RGS3: variants seen among roughly 807,000 people sequenced by gnomAD.
The protein encoded by RGS3 is regulator of G-protein signalling 3.
RGS3 carries 80 observed loss-of-function variants against 132.6 expected under a neutral mutation model. The ratio of observed to expected loss-of-function variants is 0.60; its 90% CI spans 0.50 to 0.73. The LOEUF (loss-of-function observed/expected upper bound fraction) is 0.73, where lower values mean the gene tolerates loss of function less well. Among genes scored for constraint, RGS3 ranks in the 30% least tolerant of loss-of-function variants. RGS3 has a pLI of 0.00. For synonymous variants in RGS3, 598 were observed against 620.6 expected, an observed-to-expected ratio of 0.96 and a Z score of 0.54; for missense variants, 1,382 against 1,530.8, an observed-to-expected ratio of 0.90 and a Z score of 1.62.
At chr9:113,568,785 G>A (rs1286502417) in intron 19 of RGS3, among the ~76,000 whole-genome samples, 1 of 152,234 alleles carries the variant, frequency 6.6e-6, no homozygotes, top group Admixed American at 6.5e-5. Context: ...GGAGAAGCTG[G>A]AGCCACTCAC....
At chr9:113,501,690 C>T in intron 10 of RGS3, 1 of 1,482,630 alleles carries the variant, frequency 6.7e-7, no homozygotes, top group Non-Finnish European at 9.1e-7. Context: ...GGTAGAGGGA[C>T]CATCTGAGAA....
intron 7 of RGS3, among the ~76,000 whole-genome samples, chr9:113,494,661 A>T (rs1414511137): frequency 6.6e-6 from 1 of 152,094 alleles, no homozygotes; most frequent in African/African-American, 2.4e-5. Flanking sequence ...TATTTTAAAA[A>T]TTTTTTGTAG....
chr9:113,501,652 G>T, intron 10 of RGS3: 1 of 1,554,432 alleles, frequency 6.4e-7, no homozygotes. Context: ...GCCTCTTGTG[G>T]GGAGCCTGTG....
At chr9:113,567,366 G>T (rs896225040) in intron 19 of RGS3, among the ~76,000 whole-genome samples, 3 of 152,142 alleles carry the variant, frequency 2.0e-5, no homozygotes, top group Non-Finnish European at 2.9e-5. Context: ...GCAGAATCTG[G>T]GCCTTATTCA....
In RGS3 at chr9:113,514,794, A is replaced by G. The variant is rs139403746; in HGVS notation, c.1674+140A>G. ...GAAAGATAAGTAGCTTTAGATGCATAGGATTCTAGGGGCTTATACTGAGGG... is the reference window on the plus strand; with the variant it reads ...GAAAGATAAGTAGCTTTAGATGCATGGGATTCTAGGGGCTTATACTGAGGG... On this transcript the variant is annotated intron_variant, in intron 15 of 24. Coordinates refer to ENST00000350696, the Ensembl canonical transcript of RGS3. 4.8e-4 allele frequency: 358 copies of G among 747,358 alleles called. 1 individual carries two copies. Among genetic ancestry groups the G allele is most frequent in the Admixed American group, 6.6e-4 (23 of 34,938 alleles). 46.3% of individuals were successfully genotyped at this position (747,358 alleles called of 1,614,324 possible).
intron 19 of RGS3, chr9:113,541,186 TG>T: frequency 1.2e-6 from 1 of 860,766 alleles, no homozygotes; most frequent in Non-Finnish European, 1.8e-6. Context: ...TCATCTCCAC[TG>T]GGGCCACTAG....
chr9:113,583,930 C>G, exon 20 of RGS3: 1 of 1,614,096 alleles, frequency 6.2e-7, no homozygotes, highest in Non-Finnish European at 8.5e-7. Flanking sequence ...CGGGGACCTA[C>G]TAGCAGCTAC....
intron 19 of RGS3, chr9:113,564,925 A>AGCCTCGGT (rs1833927663): frequency 2.0e-6 from 2 of 995,008 alleles, no homozygotes; most frequent in Non-Finnish European, 1.2e-6. Context: ...GTGACAGGGA[A>AGCCTCGGT]GCCTCGGTGC....
At chr9:113,485,551 A>G (rs1177273389) in intron 6 of RGS3, 74 bp from the exon 5 acceptor site, 2 of 1,151,886 alleles carry the variant, frequency 1.7e-6, no homozygotes, top group Non-Finnish European at 2.5e-6. Flanking sequence ...TGGAATTATG[A>G]CTGACTCTAT....
intron 19 of RGS3, among the ~76,000 whole-genome samples, chr9:113,543,413 G>A (rs1832981919): frequency 6.6e-6 from 1 of 152,210 alleles, no homozygotes; most frequent in South Asian, 2.1e-4. Flanking sequence ...GGGATGGGCT[G>A]GATCTGCCCG....
At chr9:113,465,476 T>TGTGCGC (rs1554754579) in intron 3 of RGS3, among the ~76,000 whole-genome samples, 106 of 151,538 alleles carry the variant, frequency 7.0e-4, no homozygotes, top group African/African-American at 2.5e-3. Context: ...TGTGTGTGTG[T>TGTGCGC]GTGTGCCTGT....
Position 113,559,733 on chromosome 9 carries a change from A to G in RGS3, c.2037+22815A>G, listed in dbSNP as rs1833714961. 2.0e-5 allele frequency among the ~76,000 whole-genome samples: 3 copies of G among 152,192 alleles called. No homozygotes were observed. The East Asian group carries it at 5.8e-4, about 29-fold the overall frequency. ...TCTGTACCTCAGTTTCCTGATCTGTAAGCTGGGCATGATGAGAATAGCCTA... is the reference window on the plus strand; with the variant it reads ...TCTGTACCTCAGTTTCCTGATCTGTGAGCTGGGCATGATGAGAATAGCCTA... On this transcript the variant is annotated intron_variant, in intron 19 of 24. Coordinates refer to ENST00000350696, the Ensembl canonical transcript of RGS3.
intron 1 of RGS3, among the ~76,000 whole-genome samples, chr9:113,449,004 T>C (rs921836465): frequency 2.0e-5 from 3 of 151,766 alleles, no homozygotes; most frequent in African/African-American, 7.3e-5. Flanking sequence ...CTCAGAAGAG[T>C]AGGAGTGGGA....
intron 6 of RGS3, 22 bp from the exon 5 acceptor site, chr9:113,485,603 G>A (rs377360366): frequency 2.8e-5 from 44 of 1,581,134 alleles, no homozygotes; most frequent in Admixed American, 3.6e-5. Flanking sequence ...CTAACACTCC[G>A]ATGGTCTGAT....
chr9:113,572,519 TA>T (rs1423293784), intron 19 of RGS3, among the ~76,000 whole-genome samples: 1 of 152,120 alleles, frequency 6.6e-6, no homozygotes, highest in Non-Finnish European at 1.5e-5. Flanking sequence ...CTCTTTTTTT[TA>T]CTGGATGGGC....
intron 14 of RGS3, among the ~76,000 whole-genome samples, chr9:113,509,157 C>T (rs1215166800): frequency 2.0e-5 from 3 of 151,990 alleles, no homozygotes; most frequent in African/African-American, 4.8e-5. Flanking sequence ...TGGTGGTGTG[C>T]GCCAATAGTC....
intron 19 of RGS3, among the ~76,000 whole-genome samples, chr9:113,553,456 A>AT (rs1833428549): frequency 1.0e-5 from 1 of 98,062 alleles, no homozygotes; most frequent in Non-Finnish European, 2.1e-5. Context: ...AAAAAAAAAA[A>AT]AAAATATATA....
intron 20 of RGS3, among the ~76,000 whole-genome samples, chr9:113,585,992 C>A (rs1588293286): frequency 6.6e-6 from 1 of 152,294 alleles, no homozygotes; most frequent in Admixed American, 6.5e-5. Flanking sequence ...CCGGAATCAC[C>A]AAGGGGAGGT....
chr9:113,536,726 T>C, intron 18 of RGS3, 70 bp from the exon 17 acceptor site: 1 of 1,577,446 alleles, frequency 6.3e-7, no homozygotes, highest in South Asian at 1.2e-5. Context: ...AGGGATGGGC[T>C]TGGGCCTGGG....
Sources: allele counts gnomAD v4.1 joint callset (sites outside exome capture counted in the v4.1 genomes callset), GRCh38; gene constraint gnomAD v4.1.1; transcripts MANE v1.5; gene names NCBI Gene and HGNC (gene_info 2026-07-23, HGNC 2026-07-21).